PIP5K1B: variants seen among roughly 807,000 people sequenced by gnomAD.
PIP5K1B encodes phosphatidylinositol 4-phosphate 5-kinase type-1 beta.
PIP5K1B carries 42 observed loss-of-function variants against 67.0 expected under a neutral mutation model. The ratio of observed to expected loss-of-function variants is 0.63; its 90% CI spans 0.49 to 0.81. The LOEUF (loss-of-function observed/expected upper bound fraction) is 0.81, where lower values mean the gene tolerates loss of function less well. PIP5K1B is among the 30% of genes least tolerant of loss of function. The pLI is 0.00. For synonymous variants in PIP5K1B, 214 were observed against 231.4 expected, an observed-to-expected ratio of 0.92 and a Z score of 0.68; for missense variants, 459 against 646.3, an observed-to-expected ratio of 0.71 and a Z score of 3.14.
rs1212968171 is a variant in PIP5K1B at position 68,843,530 on chromosome 9, GC to G, written c.70-20306del. ...TCATGCTTATTGTGTAGGGCTGATGGCAAGGTGATTCCCCTCCATGGCCACA... is the reference window on the plus strand; with the variant it reads ...TCATGCTTATTGTGTAGGGCTGATGGAAGGTGATTCCCCTCCATGGCCACA... On this transcript the variant is annotated intron_variant, in intron 4 of 15. Transcript: ENST00000265382. Among the ~76,000 whole-genome samples, 3 of 152,228 alleles carry G rather than the reference GC, an allele frequency of 2.0e-5. No individual in the cohort carries two copies. In the East Asian group the frequency reaches 5.8e-4, roughly 29 times the overall value.
At chr9:68,826,742 G>A (rs1834006126) in intron 4 of PIP5K1B, among the ~76,000 whole-genome samples, 1 of 152,046 alleles carries the variant, frequency 6.6e-6, no homozygotes, top group African/African-American at 2.4e-5. Flanking sequence ...CAAGACAAGT[G>A]GTATTTCTCT....
At chr9:68,730,737 G>A (rs1012628662) in intron 1 of PIP5K1B, among the ~76,000 whole-genome samples, 2 of 152,186 alleles carry the variant, frequency 1.3e-5, no homozygotes, top group Non-Finnish European at 2.9e-5. Flanking sequence ...ACACCAAGTT[G>A]TATTGGAATG....
At chr9:68,760,440 T>C (rs1830133751) in intron 2 of PIP5K1B, among the ~76,000 whole-genome samples, 1 of 152,160 alleles carries the variant, frequency 6.6e-6, no homozygotes, top group Non-Finnish European at 1.5e-5. Flanking sequence ...AGTTAAGTTA[T>C]CTATGACCAG....
intron 4 of PIP5K1B, among the ~76,000 whole-genome samples, chr9:68,842,548 A>C (rs1170945224): frequency 1.3e-5 from 2 of 152,104 alleles, no homozygotes; most frequent in Non-Finnish European, 2.9e-5. Context: ...TTGTACTTCC[A>C]CCTATAGATA....
At chr9:68,956,469 G>T (rs892807233) in intron 14 of PIP5K1B, among the ~76,000 whole-genome samples, 12 of 142,600 alleles carry the variant, frequency 8.4e-5, no homozygotes, top group Non-Finnish European at 6.4e-5. Flanking sequence ...CTCTGTCTCA[G>T]AAAAAAAAAG....
chr9:68,798,027 A>G (rs1471106113), intron 2 of PIP5K1B, among the ~76,000 whole-genome samples: 2 of 152,186 alleles, frequency 1.3e-5, no homozygotes, highest in African/African-American at 2.4e-5. Context: ...CTTTTTTTTA[A>G]TAATTGAATT....
Position 68,843,944 on chromosome 9 carries a change from G to A in PIP5K1B, c.70-19893G>A, listed in dbSNP as rs553935809. ...AGGGGAAGCTGGATGTGTGGCTCAG[G>A]AGACAGGCAGAGGTTGTTAGAGGAA... On this transcript the variant is annotated intron_variant, in intron 4 of 15. Transcript: ENST00000265382. Among the ~76,000 whole-genome samples, 4 of 152,328 alleles carry A rather than the reference G, an allele frequency of 2.6e-5. No homozygotes were observed. In the South Asian group the frequency reaches 6.2e-4, roughly 24 times the overall value.
chr9:68,822,871 G>A (rs1833798207), intron 4 of PIP5K1B, among the ~76,000 whole-genome samples, 188 bp downstream of exon 4: 1 of 152,160 alleles, frequency 6.6e-6, no homozygotes, highest in African/African-American at 2.4e-5. Flanking sequence ...AGTTCAGTGA[G>A]TCAGAAGCCT....
chr9:68,706,989 G>A (rs1036081175), intron 1 of PIP5K1B, among the ~76,000 whole-genome samples: 11 of 152,172 alleles, frequency 7.2e-5, no homozygotes, highest in African/African-American at 2.7e-4. Context: ...ATGAAGTAGG[G>A]TAGTGTTCAT....
At chr9:68,758,088 T>C (rs1830019165) in intron 2 of PIP5K1B, among the ~76,000 whole-genome samples, 1 of 152,100 alleles carries the variant, frequency 6.6e-6, no homozygotes, top group Admixed American at 6.6e-5. Context: ...GGAAAGAGGT[T>C]TAGAACTTGA....
chr9:68,748,613 C>CTTTTTTTTTTTTTTTTTTTTT (rs58954806), intron 2 of PIP5K1B, among the ~76,000 whole-genome samples: 2 of 98,300 alleles, frequency 2.0e-5, no homozygotes, highest in Non-Finnish European at 2.0e-5. Flanking sequence ...GATTTCTTTT[C>CTTTTTTTTTTTTTTTTTTTTT]TTTTTTTTTT....
intron 12 of PIP5K1B, among the ~76,000 whole-genome samples, chr9:68,924,042 C>T (rs1449102315): frequency 1.4e-5 from 2 of 146,118 alleles, no homozygotes; most frequent in Admixed American, 7.0e-5. Context: ...AACAAACATA[C>T]CAAAAATTTA....
At position 68,954,367 on chromosome 9, in the gene PIP5K1B, CCT is replaced by C. The variant is rs1352813098; in HGVS notation, c.1502+13580_1502+13581del. Among the ~76,000 whole-genome samples the C allele has an allele frequency of 3.3e-5, 5 of 152,124 alleles. No individual in the cohort carries two copies. In the East Asian group the frequency reaches 9.6e-4, roughly 29 times the overall value. ...AATTAGATGAGATGTGTTTCATCTGCCTCTGTTTCTTCGTCTACAGATTAAGA... is the reference window on the plus strand; with the variant it reads ...AATTAGATGAGATGTGTTTCATCTGCCTGTTTCTTCGTCTACAGATTAAGA... On this transcript the variant is annotated intron_variant, in intron 14 of 15. Coordinates refer to ENST00000265382, the MANE Select transcript of PIP5K1B (RefSeq NM_003558.4).
intron 14 of PIP5K1B, among the ~76,000 whole-genome samples, chr9:68,979,801 G>A (rs1384213840): frequency 6.6e-6 from 1 of 152,224 alleles, no homozygotes; most frequent in East Asian, 1.9e-4. Flanking sequence ...GATACCAGGA[G>A]AGAGCCTGCT....
At chr9:68,735,081 C>G (rs191836652) in intron 1 of PIP5K1B, among the ~76,000 whole-genome samples, 82 of 152,200 alleles carry the variant, frequency 5.4e-4, no homozygotes, top group Non-Finnish European at 9.9e-4. Context: ...GATGGAGGAG[C>G]CTTTGATGAC....
intron 2 of PIP5K1B, among the ~76,000 whole-genome samples, chr9:68,807,721 A>G (rs987892688): frequency 6.6e-6 from 1 of 152,246 alleles, no homozygotes; most frequent in Non-Finnish European, 1.5e-5. Context: ...CATATAGTGT[A>G]TCATAAATTG....
chr9:68,750,838 T>C (rs1829590641), intron 2 of PIP5K1B, among the ~76,000 whole-genome samples: 1 of 152,182 alleles, frequency 6.6e-6, no homozygotes, highest in Non-Finnish European at 1.5e-5. Flanking sequence ...GGGGACAGTT[T>C]TTAATCCTTT....
intron 8 of PIP5K1B, among the ~76,000 whole-genome samples, chr9:68,909,869 G>T (rs911283233): frequency 4.6e-5 from 7 of 152,126 alleles, no homozygotes; most frequent in African/African-American, 1.7e-4. Flanking sequence ...GGTAAAATGG[G>T]GATGTTCTAA....
At chr9:68,982,513 C>G (rs1028277551) in intron 14 of PIP5K1B, among the ~76,000 whole-genome samples, 1 of 152,014 alleles carries the variant, frequency 6.6e-6, no homozygotes, top group African/African-American at 2.4e-5. Context: ...TCCCAGCACT[C>G]TGGGAGGCTG....
Sources: gnomAD v4.1 joint callset for allele counts (sites outside exome capture counted in the v4.1 genomes callset) on GRCh38, gnomAD v4.1.1 for gene constraint, MANE v1.5 for transcripts, NCBI Gene and HGNC (gene_info 2026-07-23, HGNC 2026-07-21) for gene names.